Variants in PDE1A observed in about 807,000 individuals in gnomAD.
The protein encoded by PDE1A is dual specificity calcium/calmodulin-dependent 3',5'-cyclic nucleotide phosphodiesterase 1A.
PDE1A carries 35 observed loss-of-function variants against 61.7 expected under a neutral mutation model. The observed-to-expected ratio is 0.57, with a 90% CI of 0.43 to 0.75. The LOEUF is 0.75. Among genes scored for constraint, PDE1A ranks in the 30% least tolerant of loss-of-function variants. The probability of loss-of-function intolerance (pLI) is 0.00; values close to 1 mark genes in which losing one functional copy is unlikely to be tolerated. For synonymous variants in PDE1A, 232 were observed against 213.2 expected, an observed-to-expected ratio of 1.09 and a Z score of -0.77; for missense variants, 597 against 630.6, an observed-to-expected ratio of 0.95 and a Z score of 0.57.
intron 1 of PDE1A, among the ~76,000 whole-genome samples, chr2:182,311,690 G>T (rs771086504): frequency 2.0e-5 from 3 of 151,050 alleles, no homozygotes; most frequent in Non-Finnish European, 4.4e-5. Flanking sequence ...ATTTTTTTTT[G>T]AATGGATGAG....
At chr2:182,140,612 A>C (rs2125249033) in exon 15 of PDE1A, 1 of 152,360 alleles carries the variant, frequency 6.6e-6, no homozygotes, top group Non-Finnish European at 1.5e-5. Flanking sequence ...CGGTTAAATG[A>C]AAAGGCATAT....
At chr2:182,241,693 G>T in intron 2 of PDE1A, 1 of 619,538 alleles carries the variant, frequency 1.6e-6, no homozygotes, top group Middle Eastern at 4.6e-4. Context: ...ATGTATTTAT[G>T]AAATACCTTA....
At chr2:182,569,275 A>G in the PDE1A span, among the ~76,000 whole-genome samples, 1 of 147,070 alleles carries the variant, frequency 6.8e-6, no homozygotes, top group Non-Finnish European at 1.5e-5. Flanking sequence ...ATATATATAT[A>G]TGTATTTCCT....
chr2:182,364,571 G>C (rs951378581), intron 1 of PDE1A, among the ~76,000 whole-genome samples: 1 of 144,274 alleles, frequency 6.9e-6, no homozygotes, highest in Non-Finnish European at 1.5e-5. Flanking sequence ...TGACATTTCA[G>C]GACAGCATAG....
At chr2:182,475,851 T>C (rs936533596) in intron 2 of PDE1A, among the ~76,000 whole-genome samples, 1 of 151,952 alleles carries the variant, frequency 6.6e-6, no homozygotes, top group Non-Finnish European at 1.5e-5. Flanking sequence ...TACCAAAATG[T>C]TATACAATGA....
chr2:182,540,526 A>G, the PDE1A span, among the ~76,000 whole-genome samples: 1 of 152,258 alleles, frequency 6.6e-6, no homozygotes, highest in Admixed American at 6.5e-5. Context: ...ATCTTGCCAA[A>G]TTATTAAATT....
chr2:182,302,256 T>C (rs775608445), intron 1 of PDE1A, among the ~76,000 whole-genome samples: 1 of 152,164 alleles, frequency 6.6e-6, no homozygotes, highest in Non-Finnish European at 1.5e-5. Flanking sequence ...CCCTTGCACA[T>C]GGTAAGATAG....
the PDE1A span, among the ~76,000 whole-genome samples, chr2:182,636,740 T>C: frequency 6.6e-6 from 1 of 152,128 alleles, no homozygotes; most frequent in Non-Finnish European, 1.5e-5. Context: ...CTGCTTAGAG[T>C]CTCACAGGAT....
chr2:182,159,294 G>A (rs567455359), intron 13 of PDE1A, among the ~76,000 whole-genome samples: 67 of 152,302 alleles, frequency 4.4e-4, no homozygotes, highest in African/African-American at 1.6e-3. Flanking sequence ...TTTAGATAAA[G>A]ATGGTCCATT....
At chr2:182,455,551 T>G (rs886138169) in intron 2 of PDE1A, among the ~76,000 whole-genome samples, 7 of 152,110 alleles carry the variant, frequency 4.6e-5, no homozygotes, top group Non-Finnish European at 7.4e-5. Context: ...ATGAGGCACA[T>G]ATACACCATG....
At chr2:182,614,480 T>C in the PDE1A span, among the ~76,000 whole-genome samples, 1 of 152,096 alleles carries the variant, frequency 6.6e-6, no homozygotes, top group African/African-American at 2.4e-5. Context: ...TATTATTATA[T>C]GAAAACATTT....
intron 1 of PDE1A, among the ~76,000 whole-genome samples, chr2:182,291,019 T>C (rs955885209): frequency 7.9e-5 from 12 of 152,090 alleles, no homozygotes; most frequent in African/African-American, 2.9e-4. Flanking sequence ...TGTACAGTTA[T>C]ACATTAAATG....
At chr2:182,260,274 C>T (rs77741455) in intron 2 of PDE1A, among the ~76,000 whole-genome samples, 3,542 of 152,234 alleles carry the variant, frequency 0.023, 143 homozygotes, top group African/African-American at 0.078. Context: ...GGAATACTCA[C>T]GGCATCGAAT....
At chr2:182,372,842 T>C (rs912653700) in intron 1 of PDE1A, among the ~76,000 whole-genome samples, 2 of 152,098 alleles carry the variant, frequency 1.3e-5, no homozygotes, top group Non-Finnish European at 2.9e-5. Context: ...AACACCAAGA[T>C]GACTCATAAG....
the PDE1A span, among the ~76,000 whole-genome samples, chr2:182,597,333 G>C: frequency 6.6e-6 from 1 of 152,096 alleles, no homozygotes; most frequent in African/African-American, 2.4e-5. Context: ...ACTTATTCTG[G>C]AAGATACAGA....
the PDE1A span, among the ~76,000 whole-genome samples, chr2:182,610,016 A>G: frequency 1.3e-5 from 2 of 151,394 alleles, no homozygotes; most frequent in Admixed American, 6.6e-5. Context: ...TGAACCCAGG[A>G]GGCGGAGGTT....
At chr2:182,412,148 T>G (rs1702656711) in intron 1 of PDE1A, among the ~76,000 whole-genome samples, 1 of 152,142 alleles carries the variant, frequency 6.6e-6, no homozygotes, top group Non-Finnish European at 1.5e-5. Context: ...CTAGGTAAAT[T>G]TTTGACTTCT....
At chr2:182,603,662 T>C in the PDE1A span, among the ~76,000 whole-genome samples, 2 of 152,222 alleles carry the variant, frequency 1.3e-5, no homozygotes, top group Non-Finnish European at 2.9e-5. Context: ...GAAGCTCAAG[T>C]AAAATGCAGA....
At chr2:182,594,907 C>T in the PDE1A span, among the ~76,000 whole-genome samples, 4 of 152,136 alleles carry the variant, frequency 2.6e-5, no homozygotes. Context: ...GGGTGAATTG[C>T]AGGGATTCAA....
Sources: allele counts gnomAD v4.1 joint callset (sites outside exome capture counted in the v4.1 genomes callset), GRCh38; gene constraint gnomAD v4.1.1; transcripts MANE v1.5; gene names NCBI Gene and HGNC (gene_info 2026-07-23, HGNC 2026-07-21).